The following UGT1A5 variants were observed in gnomAD, a reference collection of about 807,000 sequenced individuals.
UGT1A5 encodes the protein UDP glucuronosyltransferase family 1 member A5.
Under a neutral mutation model 40.3 loss-of-function variants are expected in UGT1A5, and 29 were observed. The observed-to-expected ratio is 0.72, with a 90% confidence interval of 0.54 to 0.98. UGT1A5 has a LOEUF of 0.98. Among genes scored for constraint, UGT1A5 ranks in the 50% least tolerant of loss-of-function variants. The pLI, the probability that UGT1A5 is intolerant of heterozygous loss-of-function variation, is 0.00. For synonymous variants in UGT1A5, 257 were observed against 262.5 expected, an observed-to-expected ratio of 0.98 and a Z score of 0.20; for missense variants, 678 against 677.9, an observed-to-expected ratio of 1.00 and a Z score of 0.00.
intron 1 of UGT1A5, among the ~76,000 whole-genome samples, chr2:233,725,890 G>A (rs2077482116): frequency 6.6e-6 from 1 of 152,164 alleles, no homozygotes; most frequent in Admixed American, 6.5e-5. Context: ...TTTGTAGGCA[G>A]GTGGGTGGCT....
In UGT1A5 at chr2:233,772,400, C is replaced by T. The variant is rs1479735066; in HGVS notation, c.1446C>T (p.Leu482=). ...APHLRPAAHD[L]TWYQYHSLDV... is the part of the protein sequence containing the mutation. ...ACCTGCGCCCCGCAGCCCACGACCT[C>T]ACCTGGTACCAGTACCATTCCTTGG... Residue 482 remains leucine, a synonymous_variant, in exon 5 of 5, where the codon CTC becomes CTT. Transcript: ENST00000373414. 1 of 1,614,246 alleles carries T rather than the reference C, an allele frequency of 6.2e-7. No homozygotes were observed.
intron 1 of UGT1A5, among the ~76,000 whole-genome samples, chr2:233,757,766 G>A (rs1169168407): frequency 6.6e-6 from 1 of 151,746 alleles, no homozygotes; most frequent in Admixed American, 6.6e-5. Context: ...TGCTCCTTTA[G>A]TAATAAGCCT....
At chr2:233,717,118 A>C (rs1390690022) in intron 1 of UGT1A5, among the ~76,000 whole-genome samples, 1 of 152,100 alleles carries the variant, frequency 6.6e-6, no homozygotes, top group Non-Finnish European at 1.5e-5. Context: ...ACACCACTAC[A>C]TGGAAATAGA....
intron 1 of UGT1A5, chr2:233,719,040 T>C (rs1243491139): frequency 6.2e-7 from 1 of 1,614,170 alleles, no homozygotes; most frequent in South Asian, 1.1e-5. Flanking sequence ...AGAAGAGAAA[T>C]TTTTCACCCT....
chr2:233,733,388 G>A (rs1393287938), intron 1 of UGT1A5, among the ~76,000 whole-genome samples: 2 of 152,180 alleles, frequency 1.3e-5, no homozygotes. Flanking sequence ...TTTTGTGCCA[G>A]TTTTCAAAGG....
intron 1 of UGT1A5, chr2:233,743,927 C>A (rs773932018): frequency 1.2e-5 from 17 of 1,360,072 alleles, no homozygotes; most frequent in Non-Finnish European, 1.6e-5. Context: ...GCTGGATGGC[C>A]AGAACGGCCC....
At chr2:233,754,911 T>G (rs1467040876) in intron 1 of UGT1A5, 5 of 1,353,490 alleles carry the variant, frequency 3.7e-6, no homozygotes, top group Non-Finnish European at 5.0e-6. Flanking sequence ...CAAAATATTC[T>G]CCAGCGGGTT....
Position 233,772,570 on chromosome 2 carries a change from G to C in UGT1A5, c.*11G>C. Reference sequence around the variant, plus strand: ...TCCAAGACCCATTGAGAAGTGGGTGGGAAATAAGGTAAAATTTTGAACCAT... The same window carrying C: ...TCCAAGACCCATTGAGAAGTGGGTGCGAAATAAGGTAAAATTTTGAACCAT... On this transcript the variant is annotated 3_prime_UTR_variant, in exon 5 of 5. Coordinates refer to ENST00000373414, the MANE Select transcript of UGT1A5 (RefSeq NM_019078.2). The C allele has an allele frequency of 1.2e-6, 2 of 1,612,202 alleles. No individual in the cohort carries two copies. Among genetic ancestry groups the C allele is most frequent in the Non-Finnish European group, 1.7e-6 (2 of 1,179,006 alleles).
intron 1 of UGT1A5, chr2:233,722,130 G>A (rs1389703029): frequency 1.7e-5 from 3 of 173,394 alleles, no homozygotes; most frequent in African/African-American, 7.1e-5. Context: ...CATTAGTAGA[G>A]TTTAAGACTC....
rs1164174226 is a variant in UGT1A5, at chr2:233,713,028, G to A, written c.37G>A (p.Ala13Thr). Residue 13 changes from alanine to threonine, a missense_variant, in exon 1 of 5, where the codon GCC becomes ACC. Coordinates refer to ENST00000373414, the MANE Select transcript of UGT1A5 (RefSeq NM_019078.2). ...ACTCCAGGTTCCCCTGCCGCAGCTG[G>A]CCACAGGACTGCTGCTTCTCCTCAG... ...TGLQVPLPQL[A>T]TGLLLLLSVQ... is the part of the protein sequence containing the mutation. The A allele has an allele frequency of 1.9e-6, 3 of 1,613,750 alleles. No homozygotes were observed. Among genetic ancestry groups the A allele is most frequent in the African/African-American group, 1.3e-5 (1 of 74,932 alleles).
intron 1 of UGT1A5, chr2:233,756,004 CTATT>C (rs1422603012): frequency 6.6e-6 from 1 of 152,210 alleles, no homozygotes; most frequent in Non-Finnish European, 1.5e-5. Flanking sequence ...TGCATTCTAT[CTATT>C]GTGATATTAC....
At position 233,713,722 on chromosome 2, in the gene UGT1A5, C is replaced by A; in HGVS notation, c.731C>A (p.Ser244Ter). The A allele has an allele frequency of 6.2e-7, 1 of 1,613,948 alleles. No individual in the cohort carries two copies. The highest frequency in any genetic ancestry group is 8.5e-7 in the Non-Finnish European group (1 of 1,179,894). ...LASELFQREVSVVDLVSHASV... is the reference protein window; with the variant it reads ...LASELFQREV ...TCTGAGCTTTTTCAGAGAGAGGTGT[C>A]AGTGGTGGATCTTGTCAGCCATGCA... is the stretch of plus-strand genomic sequence containing the variant. Residue 244 changes from serine to a stop codon, truncating the protein, a stop_gained, in exon 1 of 5, where the codon TCA (serine) becomes TAA (stop). Coordinates refer to ENST00000373414, the MANE Select transcript of UGT1A5 (RefSeq NM_019078.2). LOFTEE classifies it high-confidence loss of function.
chr2:233,729,782 C>A (rs764191993), intron 1 of UGT1A5: 1 of 1,613,938 alleles, frequency 6.2e-7, no homozygotes, highest in South Asian at 1.1e-5. Flanking sequence ...TACCCTCTGG[C>A]CCTGTCCTAC....
intron 1 of UGT1A5, 85 bp from the exon 2 acceptor site, chr2:233,766,949 G>A: frequency 6.2e-7 from 1 of 1,600,626 alleles, no homozygotes. Context: ...GTCTTAAGAG[G>A]AAGATATCTA....
At chr2:233,741,008 G>A (rs1182899562) in intron 1 of UGT1A5, 1 of 151,722 alleles carries the variant, frequency 6.6e-6, no homozygotes, top group African/African-American at 2.4e-5. Flanking sequence ...GATCACTTGA[G>A]CCCAGGAATT....
intron 1 of UGT1A5, chr2:233,728,967 A>C: frequency 8.9e-6 from 13 of 1,466,634 alleles, no homozygotes; most frequent in Non-Finnish European, 1.2e-5. Flanking sequence ...AAAAACAGTG[A>C]TAGATTAATG....
At chr2:233,747,459 T>C (rs1388403150) in intron 1 of UGT1A5, 44 of 1,608,972 alleles carry the variant, frequency 2.7e-5, no homozygotes, top group Non-Finnish European at 3.4e-5. Context: ...CTATGCCATT[T>C]CATGGACCCA....
At chr2:233,716,882 C>T (rs960107716) in intron 1 of UGT1A5, among the ~76,000 whole-genome samples, 1 of 152,106 alleles carries the variant, frequency 6.6e-6, no homozygotes, top group African/African-American at 2.4e-5. Flanking sequence ...ATCTGTGCAG[C>T]CCAGACCCCT....
Position 233,768,074 on chromosome 2 carries a change from G to A in UGT1A5, c.1087+138G>A. ...CCTACATTGCTTTTTATCTAGTGGG[G>A]TATCTCAACCCACATTTTCTTCTGC... On this transcript the variant is annotated intron_variant, in intron 3 of 4. Transcript: ENST00000373414. The A allele has an allele frequency of 5.0e-6, 8 of 1,593,840 alleles. No homozygotes were observed. In the South Asian group the frequency reaches 5.6e-5, roughly 11 times the overall value.
Sources: gnomAD v4.1 joint callset for allele counts (sites outside exome capture counted in the v4.1 genomes callset) on GRCh38, gnomAD v4.1.1 for gene constraint, MANE v1.5 for transcripts, NCBI Gene and HGNC (gene_info 2026-07-23, HGNC 2026-07-21) for gene names.